SNAP47: variants seen among roughly 807,000 people sequenced by gnomAD.
SNAP47 encodes synaptosomal-associated protein 47.
A neutral mutation model predicts 31.4 loss-of-function variants in SNAP47; 20 were observed. That is an observed-to-expected ratio of 0.64 (90% CI 0.45 to 0.93). SNAP47 has a LOEUF of 0.93. SNAP47 is among the 40% of genes least tolerant of loss of function. The pLI is 0.00. For synonymous variants in SNAP47, 194 were observed against 213.4 expected, an observed-to-expected ratio of 0.91 and a Z score of 0.79; for missense variants, 492 against 528.5, an observed-to-expected ratio of 0.93 and a Z score of 0.68.
chr1:227,739,555 G>T (rs530499106), intron 1 of SNAP47, among the ~76,000 whole-genome samples: 31 of 152,312 alleles, frequency 2.0e-4, no homozygotes, highest in African/African-American at 7.5e-4. Flanking sequence ...AGCCACCACT[G>T]TTCTCACTTA....
At chr1:227,740,173 G>A (rs1332728968) in intron 1 of SNAP47, among the ~76,000 whole-genome samples, 2 of 152,218 alleles carry the variant, frequency 1.3e-5, no homozygotes, top group Admixed American at 6.5e-5. Flanking sequence ...GAAGCCCTCC[G>A]AACAGAGACC....
intron 3 of SNAP47, among the ~76,000 whole-genome samples, chr1:227,766,402 G>A (rs1663404308): frequency 6.6e-6 from 1 of 152,260 alleles, no homozygotes; most frequent in Admixed American, 6.5e-5. Context: ...TCTGCGGAGC[G>A]AGACTGCCTC....
At chr1:227,765,352 CG>C (rs1246658750) in intron 3 of SNAP47, among the ~76,000 whole-genome samples, 1 of 152,160 alleles carries the variant, frequency 6.6e-6, no homozygotes, top group African/African-American at 2.4e-5. Flanking sequence ...GCGAGGTGGA[CG>C]GGGGCCACCC....
chr1:227,744,880 GC>G (rs1009168466), intron 1 of SNAP47, among the ~76,000 whole-genome samples: 4 of 152,328 alleles, frequency 2.6e-5, no homozygotes, highest in African/African-American at 9.6e-5. Flanking sequence ...AGGCTGTGGG[GC>G]CACACAACTG....
At position 227,735,485 on chromosome 1, in the gene SNAP47, T is replaced by C; in HGVS notation, c.-60T>C. ...GCGCCGCGGTCGGCTCTGGGACTCG[T>C]CTGGCGTCCCTCAGGTGAGCGACGG... On this transcript the variant is annotated 5_prime_UTR_variant, in exon 1 of 5. Transcript: ENST00000617596. 1.4e-6 allele frequency: 2 copies of C among 1,419,316 alleles called. No individual in the cohort carries two copies. Among genetic ancestry groups the C allele is most frequent in the South Asian group, 1.6e-5 (1 of 64,050 alleles). 87.9% of individuals were successfully genotyped at this position (1,419,316 alleles called of 1,614,324 possible).
chr1:227,748,285 G>C, intron 2 of SNAP47, 52 bp downstream of exon 2: 1 of 1,476,874 alleles, frequency 6.8e-7, no homozygotes, highest in Non-Finnish European at 9.0e-7. Context: ...AGATGCACAT[G>C]TGTGGAGGCT....
At chr1:227,761,015 A>G (rs968373365) in intron 3 of SNAP47, among the ~76,000 whole-genome samples, 4 of 152,256 alleles carry the variant, frequency 2.6e-5, no homozygotes, top group African/African-American at 7.2e-5. Flanking sequence ...ATACGCATGC[A>G]TGTATACATA....
At chr1:227,732,112 C>A, upstream of SNAP47, 3 of 542,500 alleles carry the variant, frequency 5.5e-6, no homozygotes, top group South Asian at 6.5e-5. Context: ...GCGTCCTGGC[C>A]TAAGGAGGCA....
Position 227,735,445 on chromosome 1 carries a change from C to T in SNAP47, c.-100C>T. The T allele has an allele frequency of 6.9e-7, 1 of 1,456,250 alleles. No individual in the cohort carries two copies. 90.2% of individuals were successfully genotyped at this position (1,456,250 alleles called of 1,614,324 possible). On this transcript the variant is annotated 5_prime_UTR_variant, in exon 1 of 5. Coordinates refer to ENST00000617596, the MANE Select transcript of SNAP47 (RefSeq NM_053052.4). ...CTCGCCGCGGTCTTCACTGCGCAGG[C>T]GCCGAGCGGCCGAGGCGCCGCGGTC... is the stretch of plus-strand genomic sequence containing the variant.
intron 2 of SNAP47, among the ~76,000 whole-genome samples, chr1:227,751,472 A>G (rs1558198386): frequency 6.6e-6 from 1 of 152,332 alleles, no homozygotes; most frequent in East Asian, 1.9e-4. Context: ...GCTGGTGCTC[A>G]GAGTTCTTTC....
intron 2 of SNAP47, among the ~76,000 whole-genome samples, chr1:227,749,771 CTGTATG>C (rs1459802943): frequency 8.1e-6 from 1 of 124,018 alleles, no homozygotes; most frequent in Non-Finnish European, 1.8e-5. Flanking sequence ...TGTGTGTCGT[CTGTATG>C]TGTATGTGTG....
chr1:227,764,704 G>T (rs1663278352), intron 3 of SNAP47, among the ~76,000 whole-genome samples: 1 of 152,172 alleles, frequency 6.6e-6, no homozygotes, highest in Admixed American at 6.5e-5. Context: ...AGGAGTTCAA[G>T]ACCAGCCTGA....
chr1:227,738,605 C>T (rs1558188949), intron 1 of SNAP47, among the ~76,000 whole-genome samples: 2 of 152,096 alleles, frequency 1.3e-5, no homozygotes, highest in Admixed American at 6.5e-5. Context: ...ACATATTGAC[C>T]TCAATATTGA....
chr1:227,753,060 G>A (rs1006050117), intron 2 of SNAP47, among the ~76,000 whole-genome samples: 8 of 152,190 alleles, frequency 5.3e-5, no homozygotes, highest in African/African-American at 1.9e-4. Context: ...ATAATCTGCA[G>A]ACTCAAGCAA....
intron 4 of SNAP47, among the ~76,000 whole-genome samples, chr1:227,767,689 TTG>T (rs1558211360): frequency 1.8e-5 from 1 of 54,316 alleles, no homozygotes; most frequent in Admixed American, 2.0e-4. Context: ...TGTGCATGTC[TTG>T]TGTGTGGAGC....
chr1:227,744,255 G>A (rs921962166), intron 1 of SNAP47: 2 of 151,866 alleles, frequency 1.3e-5, no homozygotes, highest in African/African-American at 4.8e-5. Context: ...GTGGCGGGCT[G>A]GCTGTACTGG....
Position 227,766,942 on chromosome 1 carries a change from A to G in SNAP47, c.989-17A>G, listed in dbSNP as rs762302225. On this transcript the variant is annotated splice_polypyrimidine_tract_variant and intron_variant, in intron 3 of 4. Coordinates refer to ENST00000617596, the MANE Select transcript of SNAP47 (RefSeq NM_053052.4). ...ACTCCGAGAGATGTCACTGCTGACCATCTGCTCTCCTTGCAGCATCTGGGC... is the reference window on the plus strand; with the variant it reads ...ACTCCGAGAGATGTCACTGCTGACCGTCTGCTCTCCTTGCAGCATCTGGGC... 3.1e-6 allele frequency: 5 copies of G among 1,613,242 alleles called. No individual in the cohort carries two copies. Among genetic ancestry groups the G allele is most frequent in the East Asian group, 4.5e-5 (2 of 44,880 alleles).
chr1:227,771,080 G>A (rs1166332870), intron 4 of SNAP47, among the ~76,000 whole-genome samples: 1 of 152,218 alleles, frequency 6.6e-6, no homozygotes, highest in Non-Finnish European at 1.5e-5. Flanking sequence ...GGCTAGCCAG[G>A]CAGGAGTGGG....
At chr1:227,769,498 G>A (rs1408107269) in intron 4 of SNAP47, among the ~76,000 whole-genome samples, 1 of 152,072 alleles carries the variant, frequency 6.6e-6, no homozygotes, top group Non-Finnish European at 1.5e-5. Flanking sequence ...CATTTCTGGG[G>A]AAAATAAAAA....
Sources: gnomAD v4.1 joint callset for allele counts (sites outside exome capture counted in the v4.1 genomes callset) on GRCh38, gnomAD v4.1.1 for gene constraint, MANE v1.5 for transcripts, NCBI Gene and HGNC (gene_info 2026-07-23, HGNC 2026-07-21) for gene names.